FHIP1A: variants seen among roughly 807,000 people sequenced by gnomAD.
FHIP1A encodes the protein FHF complex subunit HOOK interacting protein 1A.
A neutral mutation model predicts 88.6 loss-of-function variants in FHIP1A; 61 were observed. That is an observed-to-expected ratio of 0.69 (90% CI 0.56 to 0.85). FHIP1A has a LOEUF of 0.85. FHIP1A is among the 40% of genes least tolerant of loss of function. The probability of loss-of-function intolerance (pLI) is 0.00; values close to 1 mark genes in which losing one functional copy is unlikely to be tolerated. For missense variants in FHIP1A, 1,154 were observed against 1,273.5 expected, an observed-to-expected ratio of 0.91 and a Z score of 1.43; for synonymous variants, 478 against 496.0, an observed-to-expected ratio of 0.96 and a Z score of 0.48.
rs541287475 is a variant in FHIP1A, at chr4:151,441,834, C to T, written c.-355-12867C>T. Among the ~76,000 whole-genome samples, 6 of 152,250 alleles carry T rather than the reference C, an allele frequency of 3.9e-5. No homozygotes were observed. In the South Asian group the frequency reaches 1.2e-3, roughly 32 times the overall value. On this transcript the variant is annotated intron_variant, in intron 1 of 13. Transcript: ENST00000435205. ...TTAAGTAAATCAGCTTTGTTAAGCT[C>T]ATCAAAAGAGAAATTTTATGTGGCT...
At chr4:151,616,306 C>T (rs571842792) in intron 7 of FHIP1A, among the ~76,000 whole-genome samples, 2 of 152,274 alleles carry the variant, frequency 1.3e-5, no homozygotes, top group Non-Finnish European at 2.9e-5. Context: ...ACCAGTAAAA[C>T]TGTTGCCAGA....
chr4:151,592,906 T>C (rs1734492332), intron 7 of FHIP1A, among the ~76,000 whole-genome samples: 1 of 152,268 alleles, frequency 6.6e-6, no homozygotes, highest in South Asian at 2.1e-4. Flanking sequence ...GTCTTACATT[T>C]AACTCTTTAA....
intron 7 of FHIP1A, among the ~76,000 whole-genome samples, chr4:151,615,754 C>T (rs541531889): frequency 3.3e-5 from 5 of 152,220 alleles, no homozygotes; most frequent in Non-Finnish European, 5.9e-5. Flanking sequence ...ACTCAGAGGG[C>T]TTACAATACA....
intron 4 of FHIP1A, among the ~76,000 whole-genome samples, chr4:151,577,141 T>C (rs572202824): frequency 6.6e-6 from 1 of 152,332 alleles, no homozygotes; most frequent in African/African-American, 2.4e-5. Flanking sequence ...TCCTCAGTTA[T>C]GTTCATAATA....
At chr4:151,448,071 G>A (rs1157845007) in intron 1 of FHIP1A, among the ~76,000 whole-genome samples, 1 of 151,906 alleles carries the variant, frequency 6.6e-6, no homozygotes, top group African/African-American at 2.4e-5. Flanking sequence ...AACACACCTG[G>A]CTAATTTTTT....
intron 3 of FHIP1A, among the ~76,000 whole-genome samples, chr4:151,518,863 C>G (rs1367870000): frequency 6.6e-6 from 1 of 151,954 alleles, no homozygotes; most frequent in Non-Finnish European, 1.5e-5. Context: ...AAAAAATTGT[C>G]AATCTGCAAA....
chr4:151,574,962 G>C (rs1733729759), intron 4 of FHIP1A, among the ~76,000 whole-genome samples: 1 of 150,742 alleles, frequency 6.6e-6, no homozygotes. Context: ...AATTATTTTT[G>C]GGTTGTTTCC....
chr4:151,425,823 G>A (rs1372432451), intron 1 of FHIP1A, among the ~76,000 whole-genome samples: 1 of 152,034 alleles, frequency 6.6e-6, no homozygotes, highest in African/African-American at 2.4e-5. Context: ...TCCTCTACAT[G>A]TGTCCCTGTC....
intron 3 of FHIP1A, among the ~76,000 whole-genome samples, chr4:151,559,345 T>G (rs546137779): frequency 6.6e-6 from 1 of 152,342 alleles, no homozygotes; most frequent in East Asian, 1.9e-4. Context: ...AGTACATAAA[T>G]ATGGTACAAA....
intron 3 of FHIP1A, among the ~76,000 whole-genome samples, chr4:151,527,473 A>T (rs1203631149): frequency 2.0e-5 from 3 of 152,148 alleles, no homozygotes; most frequent in Non-Finnish European, 4.4e-5. Context: ...AGATGGCAGC[A>T]GTACCGTCCA....
At chr4:151,626,971 G>A (rs1448962339) in intron 7 of FHIP1A, among the ~76,000 whole-genome samples, 1 of 152,142 alleles carries the variant, frequency 6.6e-6, no homozygotes, top group Non-Finnish European at 1.5e-5. Context: ...TGCATATTTG[G>A]GGGGATTAGA....
chr4:151,650,086 G>A lies in FHIP1A; in HGVS notation c.2045G>A (p.Gly682Asp). Residue 682 changes from glycine to aspartate, a missense_variant, in exon 11 of 14, where the codon GGC becomes GAC. Transcript: ENST00000435205. ...GTTCAGAGTGTCCCCATCAACAACG[G>A]CCCCCTCCTCAGCACCCAGCCAGAG... is the stretch of plus-strand genomic sequence containing the variant. ...AEVQSVPINN[G>D]PLLSTQPETD... 3 of 1,551,598 alleles carry A rather than the reference G, an allele frequency of 1.9e-6. No individual in the cohort carries two copies. The highest frequency in any genetic ancestry group is 2.4e-5 in the South Asian group (2 of 84,042).
At chr4:151,419,116 A>G (rs1733013256) in intron 1 of FHIP1A, among the ~76,000 whole-genome samples, 1 of 152,160 alleles carries the variant, frequency 6.6e-6, no homozygotes, top group African/African-American at 2.4e-5. Flanking sequence ...TGTCTGTGAG[A>G]GGATTTCTGG....
At chr4:151,600,204 A>G (rs1734809465) in intron 7 of FHIP1A, among the ~76,000 whole-genome samples, 1 of 152,210 alleles carries the variant, frequency 6.6e-6, no homozygotes, top group African/African-American at 2.4e-5. Context: ...CACTGGTCTC[A>G]AGGTGATGTC....
chr4:151,520,440 T>C (rs901772458), intron 3 of FHIP1A, among the ~76,000 whole-genome samples: 2 of 152,182 alleles, frequency 1.3e-5, no homozygotes, highest in Non-Finnish European at 2.9e-5. Flanking sequence ...TGTGCCATTT[T>C]TAGTAGTGGT....
intron 3 of FHIP1A, among the ~76,000 whole-genome samples, chr4:151,520,553 ATTAC>A (rs1389248938): frequency 2.0e-5 from 3 of 152,220 alleles, no homozygotes; most frequent in Admixed American, 1.3e-4. Context: ...TGTGATGTAT[ATTAC>A]TTCTGTTGTT....
chr4:151,556,184 G>C lies in FHIP1A; in HGVS notation c.-122-9954G>C, dbSNP rs573626730. 8.5e-5 allele frequency among the ~76,000 whole-genome samples: 13 copies of C among 152,242 alleles called. No homozygotes were observed. The South Asian group carries it at 2.7e-3, about 32-fold the overall frequency. ...GATTTTTAAAGCTGAAAGTTCTCTA[G>C]AAAGGAGCAACTTACATGGGAGAGC... is the stretch of plus-strand genomic sequence containing the variant. On this transcript the variant is annotated intron_variant, in intron 3 of 13. Transcript: ENST00000435205.
chr4:151,454,425 A>G (rs1580585190), intron 1 of FHIP1A, among the ~76,000 whole-genome samples: 1 of 152,186 alleles, frequency 6.6e-6, no homozygotes, highest in African/African-American at 2.4e-5. Flanking sequence ...GGCATTTTCC[A>G]CTACAGAGAC....
At chr4:151,616,031 G>T (rs2126855305) in intron 7 of FHIP1A, among the ~76,000 whole-genome samples, 1 of 152,292 alleles carries the variant, frequency 6.6e-6, no homozygotes, top group African/African-American at 2.4e-5. Flanking sequence ...CCATGAGTTT[G>T]TCTTGGTGTC....
Sources: allele counts gnomAD v4.1 joint callset (sites outside exome capture counted in the v4.1 genomes callset), GRCh38; gene constraint gnomAD v4.1.1; transcripts MANE v1.5; gene names NCBI Gene and HGNC (gene_info 2026-07-23, HGNC 2026-07-21).